Variants in TXNRD1 observed in about 807,000 individuals in gnomAD.
The protein encoded by TXNRD1 is thioredoxin reductase 1.
In TXNRD1, 57 loss-of-function variants were observed where a neutral mutation model predicts 80.3. The ratio of observed to expected loss-of-function variants is 0.71; its 90% CI spans 0.57 to 0.89. The LOEUF is 0.89. Ranked by LOEUF, TXNRD1 falls within the 40% of genes least tolerant of loss-of-function variation. The probability of loss-of-function intolerance (pLI) is 0.00; values close to 1 mark genes in which losing one functional copy is unlikely to be tolerated. For missense variants in TXNRD1, 730 were observed against 803.0 expected (o/e 0.91, Z 1.10); for synonymous variants, 291 against 285.2 (o/e 1.02, Z -0.20).
At chr12:104,303,622 C>G in intron 4 of TXNRD1, 1 of 338,352 alleles carries the variant, frequency 3.0e-6, no homozygotes, top group Middle Eastern at 8.2e-4. Flanking sequence ...GTGTTGGGAG[C>G]GCCGCGCTGG....
At chr12:104,244,220 G>A (rs2032932426) in intron 1 of TXNRD1, among the ~76,000 whole-genome samples, 1 of 152,186 alleles carries the variant, frequency 6.6e-6, no homozygotes, top group Non-Finnish European at 1.5e-5. Flanking sequence ...GTAGTCATGG[G>A]TGAGAGTCAG....
intron 3 of TXNRD1, among the ~76,000 whole-genome samples, chr12:104,281,522 T>A: frequency 6.8e-6 from 1 of 148,006 alleles, no homozygotes; most frequent in East Asian, 2.1e-4. Context: ...TTCTCCTGCC[T>A]CAGCCTCCCC....
intron 3 of TXNRD1, chr12:104,287,240 A>T: frequency 1.2e-6 from 2 of 1,613,362 alleles, no homozygotes; most frequent in East Asian, 4.5e-5. Flanking sequence ...GGAAGGGAAG[A>T]TATTTTAAGG....
chr12:104,325,298 A>C, intron 10 of TXNRD1, 39 bp from the exon 11 acceptor site: 1 of 1,501,904 alleles, frequency 6.7e-7, no homozygotes. Flanking sequence ...AACTTGATAA[A>C]TGTCTTTATT....
At chr12:104,236,215 T>G (rs187120990) in intron 1 of TXNRD1, among the ~76,000 whole-genome samples, 8 of 152,296 alleles carry the variant, frequency 5.3e-5, no homozygotes, top group African/African-American at 1.7e-4. Context: ...AAACCAGGGA[T>G]GGGCAAGGAC....
intron 1 of TXNRD1, among the ~76,000 whole-genome samples, chr12:104,223,055 CTTCT>C (rs1032681822): frequency 3.1e-4 from 47 of 152,262 alleles, no homozygotes; most frequent in Admixed American, 2.8e-3. Flanking sequence ...ATTTAGTCAA[CTTCT>C]TTCTTTACTT....
At chr12:104,262,905 C>G (rs182947664) in intron 3 of TXNRD1, among the ~76,000 whole-genome samples, 1 of 152,002 alleles carries the variant, frequency 6.6e-6, no homozygotes, top group East Asian at 1.9e-4. Context: ...GCAATAGTAT[C>G]ACCTCTCACA....
At chr12:104,223,228 C>G (rs184080507) in intron 1 of TXNRD1, among the ~76,000 whole-genome samples, 1 of 152,274 alleles carries the variant, frequency 6.6e-6, no homozygotes, top group East Asian at 1.9e-4. Flanking sequence ...CAGCTTTTCT[C>G]AAGTATGTGC....
At position 104,313,467 on chromosome 12, in the gene TXNRD1, A is replaced by G; in HGVS notation, c.610+150A>G. 3 of 609,332 alleles carry G rather than the reference A, an allele frequency of 4.9e-6. 1 individual carries two copies. The South Asian group carries it at 7.8e-5, about 16-fold the overall frequency. The allele number at this position is 609,332 out of a possible 1,614,324, so 37.7% of individuals were successfully genotyped here. A position where few individuals can be genotyped will look rare whatever the true frequency, so the allele number is the denominator to read the frequency against. On this transcript the variant is annotated intron_variant, in intron 6 of 16. Coordinates refer to ENST00000525566, the MANE Select transcript of TXNRD1 (RefSeq NM_001093771.3). ...AACATATATATCTTTTATTTGAGCC[A>G]AGTTAAAATGGATCAGGTTAAATGC...
chr12:104,260,096 G>A (rs892063001), intron 3 of TXNRD1, among the ~76,000 whole-genome samples: 2 of 152,342 alleles, frequency 1.3e-5, no homozygotes, highest in Admixed American at 1.3e-4. Flanking sequence ...CACTTTGGGA[G>A]GTGGAGGTGG....
At chr12:104,314,773 G>A (rs1369162018) in intron 6 of TXNRD1, among the ~76,000 whole-genome samples, 2 of 122,584 alleles carry the variant, frequency 1.6e-5, no homozygotes, top group South Asian at 2.4e-4. Flanking sequence ...ATGGAGTCTC[G>A]CTCTGTCGCC....
At chr12:104,220,555 C>G (rs888543425) in intron 1 of TXNRD1, among the ~76,000 whole-genome samples, 7 of 152,014 alleles carry the variant, frequency 4.6e-5, no homozygotes, top group Admixed American at 4.6e-4. Flanking sequence ...GAAACCCCAT[C>G]TCTACTAAAA....
chr12:104,305,393 A>G (rs2034863031), intron 4 of TXNRD1, among the ~76,000 whole-genome samples: 1 of 152,160 alleles, frequency 6.6e-6, no homozygotes, highest in Non-Finnish European at 1.5e-5. Context: ...GGCAGTGAAT[A>G]TGCAACATTA....
At chr12:104,339,934 G>A (rs979800872) in intron 16 of TXNRD1, among the ~76,000 whole-genome samples, 3 of 152,196 alleles carry the variant, frequency 2.0e-5, no homozygotes, top group Admixed American at 6.5e-5. Flanking sequence ...GGTGTACATT[G>A]CACTTGCAAA....
chr12:104,309,930 T>C lies in TXNRD1; in HGVS notation c.415-1360T>C, dbSNP rs761261805. ...CCTTCAGTCCCTGAGCCACTACGTATGCCCGCCATGCTGCCAACAGGTAGC... is the reference window on the plus strand; with the variant it reads ...CCTTCAGTCCCTGAGCCACTACGTACGCCCGCCATGCTGCCAACAGGTAGC... On this transcript the variant is annotated intron_variant, in intron 4 of 16. Coordinates refer to ENST00000525566, the MANE Select transcript of TXNRD1 (RefSeq NM_001093771.3). The C allele has an allele frequency of 7.8e-6, 12 of 1,536,158 alleles. No homozygotes were observed. In the South Asian group the frequency reaches 9.5e-5, roughly 12 times the overall value.
rs2036589150 is a variant in TXNRD1 at position 104,349,675 on chromosome 12, T to C, written c.*1254T>C. 2 of 152,490 alleles carry C rather than the reference T, an allele frequency of 1.3e-5. No homozygotes were observed. Among genetic ancestry groups the C allele is most frequent in the Non-Finnish European group, 2.9e-5 (2 of 68,042 alleles). 9.4% of individuals were successfully genotyped at this position (152,490 alleles called of 1,614,324 possible). On this transcript the variant is annotated 3_prime_UTR_variant, in exon 17 of 17. Transcript: ENST00000525566. Reference sequence around the variant, plus strand: ...TTGTCAATGTACTGGCTGAGGATTCTATCTCAGCTGTCTTTTCTAACTGTG... The same window carrying C: ...TTGTCAATGTACTGGCTGAGGATTCCATCTCAGCTGTCTTTTCTAACTGTG...
chr12:104,266,730 G>T (rs561795835), intron 3 of TXNRD1, among the ~76,000 whole-genome samples: 1 of 151,906 alleles, frequency 6.6e-6, no homozygotes, highest in Non-Finnish European at 1.5e-5. Context: ...TTGGGAGGCC[G>T]AGGCGAGCGG....
intron 1 of TXNRD1, among the ~76,000 whole-genome samples, chr12:104,237,819 C>T (rs2032770951): frequency 2.0e-5 from 3 of 152,058 alleles, no homozygotes; most frequent in Admixed American, 2.0e-4. Flanking sequence ...TCGAGACCAG[C>T]CTGGCCAATA....
At chr12:104,252,954 G>A (rs948974822) in intron 2 of TXNRD1, among the ~76,000 whole-genome samples, 3 of 151,264 alleles carry the variant, frequency 2.0e-5, no homozygotes, top group Admixed American at 1.3e-4. Context: ...CACCTGCCTC[G>A]GCCTCCCAAA....
Sources: allele counts gnomAD v4.1 joint callset (sites outside exome capture counted in the v4.1 genomes callset), GRCh38; gene constraint gnomAD v4.1.1; transcripts MANE v1.5; gene names NCBI Gene and HGNC (gene_info 2026-07-23, HGNC 2026-07-21).